The following ARID1B variants were observed in gnomAD, a reference collection of about 807,000 sequenced individuals.
The protein encoded by ARID1B is AT-rich interaction domain 1B.
ARID1B carries 30 observed loss-of-function variants against 212.3 expected under a neutral mutation model. The ratio of observed to expected loss-of-function variants is 0.14; its 90% CI spans 0.11 to 0.19. The LOEUF is 0.19. ARID1B is among the 10% of genes least tolerant of loss of function. The pLI is 1.00. For missense variants in ARID1B, 2,891 were observed against 3,204.0 expected, an observed-to-expected ratio of 0.90 and a Z score of 2.36; for synonymous variants, 1,402 against 1,301.7, an observed-to-expected ratio of 1.08 and a Z score of -1.66.
chr6:157,124,902 C>A (rs965230974), intron 6 of ARID1B, among the ~76,000 whole-genome samples: 2 of 152,086 alleles, frequency 1.3e-5, no homozygotes, highest in Non-Finnish European at 2.9e-5. Context: ...ATAATATATG[C>A]TCATTAAAGA....
At chr6:157,101,483 C>G (rs1271574428) in intron 5 of ARID1B, among the ~76,000 whole-genome samples, 4 of 152,166 alleles carry the variant, frequency 2.6e-5, no homozygotes, top group Non-Finnish European at 5.9e-5. Context: ...CACTAAACAC[C>G]TCATGATCTC....
At chr6:157,009,854 CAGGATTTGAACACA>C (rs1282411585) in intron 4 of ARID1B, among the ~76,000 whole-genome samples, 10 of 152,190 alleles carry the variant, frequency 6.6e-5, no homozygotes, top group Admixed American at 2.0e-4. Flanking sequence ...CCTGTAGGGC[CAGGATTTGAACACA>C]GGTTGTCACC....
At chr6:156,985,174 G>A (rs1463869756) in intron 4 of ARID1B, 2 of 152,162 alleles carry the variant, frequency 1.3e-5, no homozygotes, top group African/African-American at 4.8e-5. Flanking sequence ...TTTATTGACA[G>A]CAATCCTGGA....
intron 9 of ARID1B, among the ~76,000 whole-genome samples, chr6:157,171,481 G>C (rs2128299183): frequency 6.6e-6 from 1 of 152,308 alleles, no homozygotes; most frequent in East Asian, 1.9e-4. Flanking sequence ...TCGTTTCAGT[G>C]ATTCCTTGAG....
At chr6:156,999,155 T>TA (rs1160357063) in intron 4 of ARID1B, among the ~76,000 whole-genome samples, 1 of 152,236 alleles carries the variant, frequency 6.6e-6, no homozygotes, top group Non-Finnish European at 1.5e-5. Flanking sequence ...GTCCTGTACT[T>TA]ACGTATGAGG....
At chr6:156,789,868 A>T (rs1010067250) in intron 1 of ARID1B, among the ~76,000 whole-genome samples, 2 of 152,260 alleles carry the variant, frequency 1.3e-5, no homozygotes, top group Non-Finnish European at 2.9e-5. Flanking sequence ...ACTAAACTTT[A>T]TAAGAAACGT....
intron 7 of ARID1B, chr6:157,140,710 C>T (rs1583385834): frequency 2.5e-6 from 1 of 398,592 alleles, no homozygotes. Context: ...CTTTCTTCTT[C>T]ACTTGCTGCC....
At chr6:157,105,845 C>T (rs527733447) in intron 5 of ARID1B, among the ~76,000 whole-genome samples, 49 of 152,206 alleles carry the variant, frequency 3.2e-4, no homozygotes, top group African/African-American at 1.1e-3. Context: ...CATGATCCGC[C>T]CGCCTCAGCC....
chr6:157,053,951 A>G (rs1048280225), intron 4 of ARID1B, among the ~76,000 whole-genome samples: 1 of 152,042 alleles, frequency 6.6e-6, no homozygotes, highest in Non-Finnish European at 1.5e-5. Context: ...TAGGCCGGGC[A>G]CAGGGGCTCA....
chr6:156,819,961 G>C (rs1260472923), intron 1 of ARID1B, among the ~76,000 whole-genome samples: 1 of 152,222 alleles, frequency 6.6e-6, no homozygotes, highest in Non-Finnish European at 1.5e-5. Flanking sequence ...GGGTCCCACA[G>C]ATTGACTTGG....
At chr6:156,838,090 C>G (rs1468710923) in intron 2 of ARID1B, among the ~76,000 whole-genome samples, 2 of 152,172 alleles carry the variant, frequency 1.3e-5, no homozygotes, top group African/African-American at 2.4e-5. Context: ...ATTCATCTCC[C>G]TTTATTGATA....
At chr6:157,006,956 C>CA (rs2128444367) in intron 4 of ARID1B, among the ~76,000 whole-genome samples, 1 of 152,348 alleles carries the variant, frequency 6.6e-6, no homozygotes, top group South Asian at 2.1e-4. Context: ...TGTGTGTACA[C>CA]ACACACACAC....
chr6:156,920,448 A>G (rs1790691052), intron 3 of ARID1B, among the ~76,000 whole-genome samples: 2 of 152,196 alleles, frequency 1.3e-5, no homozygotes, highest in South Asian at 4.1e-4. Flanking sequence ...TCATTTCAAT[A>G]TGTTAAACTA....
intron 2 of ARID1B, among the ~76,000 whole-genome samples, chr6:156,872,740 G>A (rs899381921): frequency 2.0e-5 from 3 of 152,076 alleles, no homozygotes; most frequent in African/African-American, 7.3e-5. Context: ...ATAGGTATCT[G>A]AGAAATAACA....
intron 5 of ARID1B, among the ~76,000 whole-genome samples, chr6:157,086,693 C>T (rs1784989704): frequency 6.6e-6 from 1 of 152,094 alleles, no homozygotes; most frequent in East Asian, 1.9e-4. Flanking sequence ...GGATTTGATG[C>T]AATACAGAAG....
intron 3 of ARID1B, among the ~76,000 whole-genome samples, chr6:156,918,722 T>C (rs1308718909): frequency 1.3e-5 from 2 of 152,120 alleles, no homozygotes; most frequent in Admixed American, 6.5e-5. Context: ...TAGACTCTGA[T>C]TGTTGACTTG....
intron 8 of ARID1B, among the ~76,000 whole-genome samples, chr6:157,165,685 C>G (rs1350721142): frequency 6.6e-6 from 1 of 151,814 alleles, no homozygotes; most frequent in Non-Finnish European, 1.5e-5. Context: ...CCCGTCTCTA[C>G]AAAAATACAA....
At chr6:157,005,595 ACTT>A (rs1022956966) in intron 4 of ARID1B, among the ~76,000 whole-genome samples, 8 of 152,248 alleles carry the variant, frequency 5.3e-5, no homozygotes, top group South Asian at 2.1e-4. Context: ...AATTGGTAAA[ACTT>A]CTTTCTCCAC....
chr6:156,831,090 A>G (rs1486463726), intron 2 of ARID1B, among the ~76,000 whole-genome samples: 1 of 152,178 alleles, frequency 6.6e-6, no homozygotes, highest in Non-Finnish European at 1.5e-5. Context: ...GTGGCTGCTA[A>G]TTGTGAGAAG....
Sources: allele counts gnomAD v4.1 joint callset (sites outside exome capture counted in the v4.1 genomes callset), GRCh38; gene constraint gnomAD v4.1.1; transcripts MANE v1.5; gene names NCBI Gene and HGNC (gene_info 2026-07-23, HGNC 2026-07-21).